Variants in UBE2V2 observed in about 807,000 individuals in gnomAD.
UBE2V2 encodes ubiquitin-conjugating enzyme E2 variant 2.
In UBE2V2, 9 loss-of-function variants were observed where a neutral mutation model predicts 17.2. The ratio of observed to expected loss-of-function variants is 0.52; its 90% confidence interval spans 0.32 to 0.91. The LOEUF (loss-of-function observed/expected upper bound fraction) is 0.91, where lower values mean the gene tolerates loss of function less well. UBE2V2 is among the 40% of genes least tolerant of loss of function. The pLI, the probability that UBE2V2 is intolerant of heterozygous loss-of-function variation, is 0.04. For missense variants in UBE2V2, 133 were observed against 182.6 expected, an observed-to-expected ratio of 0.73 and a Z score of 1.56; for synonymous variants, 61 against 57.5, an observed-to-expected ratio of 1.06 and a Z score of -0.28.
chr8:48,041,506 T>TA (rs1161087077), intron 1 of UBE2V2, among the ~76,000 whole-genome samples: 1 of 152,144 alleles, frequency 6.6e-6, no homozygotes, highest in African/African-American at 2.4e-5. Flanking sequence ...TTTCCTAACT[T>TA]ACTGTATGCA....
chr8:47,999,798 C>T, the UBE2V2 span, among the ~76,000 whole-genome samples: 6 of 152,266 alleles, frequency 3.9e-5, no homozygotes, highest in East Asian at 7.7e-4. Context: ...TTTATACGGT[C>T]GGGAGCATCG....
At position 48,026,172 on chromosome 8, in the gene UBE2V2, G is replaced by A. The variant is rs150429998; in HGVS notation, c.17-16861G>A. ...CTCTAGATAAAACTGTATATTATCGGGTAGGAAGAACTTGGTTCCAGGAGT... is the reference window on the plus strand; with the variant it reads ...CTCTAGATAAAACTGTATATTATCGAGTAGGAAGAACTTGGTTCCAGGAGT... On this transcript the variant is annotated intron_variant, in intron 1 of 3. Coordinates refer to ENST00000523111, the MANE Select transcript of UBE2V2 (RefSeq NM_003350.3). Among the ~76,000 whole-genome samples, 934 of 151,874 alleles carry A rather than the reference G, an allele frequency of 6.1e-3. 12 individuals carry two copies. Among genetic ancestry groups the A allele is most frequent in the African/African-American group, 0.022 (904 of 41,404 alleles).
chr8:48,037,542 T>C (rs2091432871), intron 1 of UBE2V2, among the ~76,000 whole-genome samples: 2 of 152,218 alleles, frequency 1.3e-5, no homozygotes, highest in African/African-American at 4.8e-5. Flanking sequence ...AGGTTCTTAG[T>C]AGAGCAAAAC....
intron 2 of UBE2V2, among the ~76,000 whole-genome samples, chr8:48,049,131 A>G (rs182092987): frequency 6.6e-6 from 1 of 152,298 alleles, no homozygotes; most frequent in East Asian, 1.9e-4. Context: ...TTTGAAAATG[A>G]TGTGTAAACA....
chr8:48,010,399 GTTT>G (rs934421477), intron 1 of UBE2V2, among the ~76,000 whole-genome samples: 11 of 122,996 alleles, frequency 8.9e-5, no homozygotes, highest in African/African-American at 3.2e-5. Context: ...CCATCTACTA[GTTT>G]TTTTTTTTTT....
At chr8:47,999,057 TG>T in the UBE2V2 span, among the ~76,000 whole-genome samples, 1 of 152,130 alleles carries the variant, frequency 6.6e-6, no homozygotes, top group Non-Finnish European at 1.5e-5. Flanking sequence ...CTGAGTGGTT[TG>T]TAATTGGGGT....
At position 48,062,679 on chromosome 8, in the gene UBE2V2, G is replaced by C. The variant is rs1316650242; in HGVS notation, c.*1851G>C. 1.3e-5 allele frequency: 2 copies of C among 151,726 alleles called. No individual in the cohort carries two copies. 9.4% of individuals were successfully genotyped at this position (151,726 alleles called of 1,614,324 possible). A position where few individuals can be genotyped will look rare whatever the true frequency, so the allele number is the denominator to read the frequency against. On this transcript the variant is annotated 3_prime_UTR_variant, in exon 4 of 4. Transcript: ENST00000523111. ...ATAGTAGAGCACATTTCTCAAACAT[G>C]CCCTGAAAGGCTTTTATCAAGCTCA...
chr8:48,024,570 G>A (rs2091326941), intron 1 of UBE2V2, among the ~76,000 whole-genome samples: 1 of 151,800 alleles, frequency 6.6e-6, no homozygotes, highest in African/African-American at 2.4e-5. Flanking sequence ...ACACCAGCCT[G>A]GGCAACAAGA....
the UBE2V2 span, among the ~76,000 whole-genome samples, chr8:48,000,785 G>A: frequency 7.7e-6 from 1 of 129,868 alleles, no homozygotes; most frequent in Non-Finnish European, 1.5e-5. Flanking sequence ...TCACGTCACT[G>A]CACTCCAGCC....
At chr8:48,047,995 G>GTT (rs11368838) in intron 2 of UBE2V2, among the ~76,000 whole-genome samples, 4,012 of 139,238 alleles carry the variant, frequency 0.029, 135 homozygotes, top group African/African-American at 0.064. Context: ...AGAGCTTTGG[G>GTT]TTTTTTTTTT....
intron 1 of UBE2V2, among the ~76,000 whole-genome samples, chr8:48,011,964 G>A (rs988801690): frequency 6.6e-6 from 1 of 152,182 alleles, no homozygotes; most frequent in African/African-American, 2.4e-5. Flanking sequence ...AGACTTCTAA[G>A]CAGAAACATT....
intron 1 of UBE2V2, among the ~76,000 whole-genome samples, chr8:48,040,847 T>TG (rs1789351725): frequency 7.7e-6 from 1 of 129,354 alleles, no homozygotes; most frequent in Non-Finnish European, 1.7e-5. Flanking sequence ...AGGCTGGGTT[T>TG]TTTTTTTTTT....
At chr8:48,054,901 A>ATT (rs2091561796) in intron 3 of UBE2V2, among the ~76,000 whole-genome samples, 1 of 146,960 alleles carries the variant, frequency 6.8e-6, no homozygotes, top group Non-Finnish European at 1.5e-5. Flanking sequence ...CTCTCTCTTC[A>ATT]TCTTTTTTTT....
At chr8:48,011,168 TA>T (rs1423067018) in intron 1 of UBE2V2, among the ~76,000 whole-genome samples, 2 of 152,174 alleles carry the variant, frequency 1.3e-5, no homozygotes, top group African/African-American at 4.8e-5. Context: ...TACATCGATG[TA>T]ATGCACGTGT....
chr8:48,030,074 A>T (rs1386744157), intron 1 of UBE2V2, among the ~76,000 whole-genome samples: 2 of 152,184 alleles, frequency 1.3e-5, no homozygotes, highest in Non-Finnish European at 1.5e-5. Flanking sequence ...ATTCTTAGCT[A>T]CCTCACTGGA....
In UBE2V2 at chr8:48,045,693, G is replaced by A. The variant is rs1046652211; in HGVS notation, c.165+2512G>A. Among the ~76,000 whole-genome samples, 3 of 152,182 alleles carry A rather than the reference G, an allele frequency of 2.0e-5. No homozygotes were observed. In the East Asian group the frequency reaches 5.8e-4, roughly 29 times the overall value. On this transcript the variant is annotated intron_variant, in intron 2 of 3. Coordinates refer to ENST00000523111, the MANE Select transcript of UBE2V2 (RefSeq NM_003350.3). ...TTCCTTTGAGTGCCAGGCAGAGGTA[G>A]GAGGGTGTGCCCTGCAAAGGCACAG...
At chr8:48,036,634 A>G (rs1034186178) in intron 1 of UBE2V2, among the ~76,000 whole-genome samples, 1 of 151,212 alleles carries the variant, frequency 6.6e-6, no homozygotes, top group Non-Finnish European at 1.5e-5. Flanking sequence ...ACGGGGTTTC[A>G]TCATCTTGTC....
chr8:48,040,927 C>T (rs1222835783), intron 1 of UBE2V2, among the ~76,000 whole-genome samples: 4 of 129,194 alleles, frequency 3.1e-5, no homozygotes, highest in South Asian at 5.1e-4. Context: ...TGCAGTGGTG[C>T]GATCTCGGCT....
intron 1 of UBE2V2, among the ~76,000 whole-genome samples, chr8:48,017,920 C>T (rs540745621): frequency 3.3e-5 from 5 of 150,342 alleles, no homozygotes; most frequent in Non-Finnish European, 4.4e-5. Flanking sequence ...AGTCACGGCT[C>T]GCTGCAGCCT....
Sources: gnomAD v4.1 joint callset for allele counts (sites outside exome capture counted in the v4.1 genomes callset) on GRCh38, gnomAD v4.1.1 for gene constraint, MANE v1.5 for transcripts, NCBI Gene and HGNC (gene_info 2026-07-23, HGNC 2026-07-21) for gene names.